The following CHSY3 variants were observed in gnomAD, a reference collection of about 807,000 sequenced individuals.
The protein encoded by CHSY3 is chondroitin sulfate synthase 3, also known as N-acetylgalactosaminyl-proteoglycan 3-beta-glucuronosyltransferase 3.
CHSY3 carries 35 observed loss-of-function variants against 67.2 expected under a neutral mutation model. That is an observed-to-expected ratio of 0.52 (90% confidence interval 0.40 to 0.69). The LOEUF (loss-of-function observed/expected upper bound fraction) is 0.69, where lower values mean the gene tolerates loss of function less well. CHSY3 is among the 30% of genes least tolerant of loss of function. The pLI, the probability that CHSY3 is intolerant of heterozygous loss-of-function variation, is 0.00. For synonymous variants in CHSY3, 474 were observed against 434.7 expected (o/e 1.09, Z -1.12); for missense variants, 1,069 against 1,138.5 (o/e 0.94, Z 0.88).
At chr5:129,943,175 G>A (rs1260090447) in intron 2 of CHSY3, among the ~76,000 whole-genome samples, 1 of 152,116 alleles carries the variant, frequency 6.6e-6, no homozygotes, top group East Asian at 1.9e-4. Flanking sequence ...CATGAGCTAA[G>A]GTTAACAGAA....
intron 2 of CHSY3, among the ~76,000 whole-genome samples, chr5:130,025,730 G>A (rs1764522733): frequency 6.6e-6 from 1 of 151,992 alleles, no homozygotes; most frequent in Non-Finnish European, 1.5e-5. Flanking sequence ...AACTCCCTGG[G>A]ATGTCTTGAT....
At chr5:129,963,857 T>C (rs750899971) in intron 2 of CHSY3, among the ~76,000 whole-genome samples, 1 of 151,926 alleles carries the variant, frequency 6.6e-6, no homozygotes, top group Non-Finnish European at 1.5e-5. Flanking sequence ...TGTGTGCATA[T>C]ATGTATCTGT....
At chr5:130,158,743 A>G (rs1238237994) in intron 2 of CHSY3, among the ~76,000 whole-genome samples, 2 of 152,226 alleles carry the variant, frequency 1.3e-5, no homozygotes, top group East Asian at 1.9e-4. Context: ...TTACTTAAGT[A>G]TGAACAGACA....
At chr5:129,998,692 GTTTTT>G (rs1400264158) in intron 2 of CHSY3, among the ~76,000 whole-genome samples, 2 of 151,780 alleles carry the variant, frequency 1.3e-5, no homozygotes, top group Non-Finnish European at 2.9e-5. Flanking sequence ...GTTTTTGCAG[GTTTTT>G]TGACTAAGTA....
chr5:130,014,707 CAA>C (rs1037445497), intron 2 of CHSY3, among the ~76,000 whole-genome samples: 21 of 152,068 alleles, frequency 1.4e-4, no homozygotes, highest in Non-Finnish European at 2.9e-4. Context: ...AAAATTAACT[CAA>C]GAGGGATTAA....
At chr5:130,055,274 C>T (rs1406142182) in intron 2 of CHSY3, among the ~76,000 whole-genome samples, 9 of 124,340 alleles carry the variant, frequency 7.2e-5, no homozygotes, top group African/African-American at 1.8e-4. Context: ...AGAATTTGCC[C>T]CTTGTAAAAA....
intron 2 of CHSY3, among the ~76,000 whole-genome samples, chr5:130,010,452 A>G (rs1477216423): frequency 6.6e-6 from 1 of 152,216 alleles, no homozygotes; most frequent in African/African-American, 2.4e-5. Context: ...GGGATACAAT[A>G]CACCAGAATC....
intron 2 of CHSY3, among the ~76,000 whole-genome samples, chr5:129,989,963 A>G (rs1024355855): frequency 2.0e-5 from 3 of 152,158 alleles, no homozygotes; most frequent in African/African-American, 7.2e-5. Flanking sequence ...GCTCTGTTCC[A>G]GTAAAACTTT....
intron 2 of CHSY3, among the ~76,000 whole-genome samples, chr5:129,949,458 A>C (rs910118282): frequency 6.6e-6 from 1 of 152,150 alleles, no homozygotes; most frequent in African/African-American, 2.4e-5. Flanking sequence ...AATAATAAAA[A>C]AGTCTCCTAA....
chr5:130,132,983 CTTCAGTAGGCATAA>C (rs1239202640), intron 2 of CHSY3, among the ~76,000 whole-genome samples: 3 of 152,134 alleles, frequency 2.0e-5, no homozygotes, highest in Non-Finnish European at 4.4e-5. Flanking sequence ...TTCTAAGCCT[CTTCAGTAGGCATAA>C]TTCATTCAGA....
Position 130,065,034 on chromosome 5 carries a change from C to T in CHSY3, c.1087-119195C>T, listed in dbSNP as rs74909785. 4.6e-5 allele frequency among the ~76,000 whole-genome samples: 7 copies of T among 152,252 alleles called. No homozygotes were observed. In the East Asian group the frequency reaches 1.4e-3, roughly 29 times the overall value. The stretch of plus-strand genomic sequence containing the variant: ...CTGTGTCATTGATTTCCTGCATAGG[C>T]TGTGAATAGAACTTGGTTTCTGTAA... On this transcript the variant is annotated intron_variant, in intron 2 of 2. Coordinates refer to ENST00000305031, the MANE Select transcript of CHSY3 (RefSeq NM_175856.5).
chr5:130,160,221 G>A (rs1561563874), intron 2 of CHSY3, among the ~76,000 whole-genome samples: 1 of 152,182 alleles, frequency 6.6e-6, no homozygotes, highest in Non-Finnish European at 1.5e-5. Flanking sequence ...ACCAAGCGGA[G>A]TTAAATTGAG....
intron 2 of CHSY3, among the ~76,000 whole-genome samples, chr5:129,986,947 G>A (rs1462516651): frequency 6.6e-6 from 1 of 152,114 alleles, no homozygotes; most frequent in Non-Finnish European, 1.5e-5. Flanking sequence ...CCAGCCACAA[G>A]TTTTCTTATT....
At chr5:130,036,557 TG>T (rs1197552493) in intron 2 of CHSY3, among the ~76,000 whole-genome samples, 1 of 152,028 alleles carries the variant, frequency 6.6e-6, no homozygotes, top group African/African-American at 2.4e-5. Flanking sequence ...GCTGGAAAAG[TG>T]GAAAAACAAT....
intron 2 of CHSY3, among the ~76,000 whole-genome samples, chr5:130,027,938 G>A (rs184233297): frequency 6.6e-6 from 1 of 152,166 alleles, no homozygotes; most frequent in Non-Finnish European, 1.5e-5. Context: ...ACATATGTGT[G>A]CATGTGCTTT....
intron 2 of CHSY3, among the ~76,000 whole-genome samples, chr5:130,075,502 T>C (rs1201535234): frequency 6.6e-6 from 1 of 152,174 alleles, no homozygotes; most frequent in Non-Finnish European, 1.5e-5. Flanking sequence ...TTTTTTCCTT[T>C]CCCATTCATT....
intron 2 of CHSY3, among the ~76,000 whole-genome samples, chr5:130,056,882 A>AACAAT (rs1483732851): frequency 6.6e-6 from 1 of 151,280 alleles, no homozygotes; most frequent in Non-Finnish European, 1.5e-5. Flanking sequence ...TGCTACCTGG[A>AACAAT]AACAATATGT....
At chr5:129,950,202 C>T (rs1282511969) in intron 2 of CHSY3, among the ~76,000 whole-genome samples, 2 of 151,284 alleles carry the variant, frequency 1.3e-5, no homozygotes, top group African/African-American at 4.9e-5. Flanking sequence ...TGAATAGATG[C>T]AGGAAAATAT....
intron 2 of CHSY3, among the ~76,000 whole-genome samples, chr5:129,959,740 T>C (rs915827145): frequency 5.3e-5 from 8 of 152,160 alleles, no homozygotes; most frequent in Non-Finnish European, 1.0e-4. Flanking sequence ...TGCTGAGAGC[T>C]ATAATAAATT....
Sources: allele counts gnomAD v4.1 joint callset (sites outside exome capture counted in the v4.1 genomes callset), GRCh38; gene constraint gnomAD v4.1.1; transcripts MANE v1.5; gene names NCBI Gene and HGNC (gene_info 2026-07-23, HGNC 2026-07-21).